Variants in CDON observed in about 807,000 individuals in gnomAD.
The protein encoded by CDON is cell adhesion associated, oncogene regulated.
CDON carries 73 observed loss-of-function variants against 120.9 expected under a neutral mutation model. The ratio of observed to expected loss-of-function variants is 0.60; its 90% confidence interval spans 0.50 to 0.73. The LOEUF (loss-of-function observed/expected upper bound fraction) is 0.73. Among genes scored for constraint, CDON ranks in the 30% least tolerant of loss-of-function variants. The probability of loss-of-function intolerance (pLI) is 0.00; values close to 1 mark genes in which losing one functional copy is unlikely to be tolerated. For synonymous variants in CDON, 566 were observed against 573.5 expected (o/e 0.99, Z 0.19); for missense variants, 1,470 against 1,587.3 (o/e 0.93, Z 1.26).
chr11:126,012,322 G>T (rs1251804865), intron 7 of CDON, among the ~76,000 whole-genome samples: 1 of 152,110 alleles, frequency 6.6e-6, no homozygotes, highest in East Asian at 1.9e-4. Flanking sequence ...TATATAACTG[G>T]CTGTGCTTTA....
At chr11:126,045,370 T>A (rs1948379984) in intron 1 of CDON, among the ~76,000 whole-genome samples, 2 of 152,004 alleles carry the variant, frequency 1.3e-5, no homozygotes, top group Non-Finnish European at 2.9e-5. Context: ...GGGAAAATTG[T>A]TAAAAAGAAA....
At chr11:125,981,651 C>T (rs552390791) in intron 16 of CDON, among the ~76,000 whole-genome samples, 32 of 151,936 alleles carry the variant, frequency 2.1e-4, no homozygotes, top group African/African-American at 6.8e-4. Flanking sequence ...ATTCTGTTAA[C>T]GGGAAGAAAA....
chr11:126,031,968 C>T (rs1947956439), intron 1 of CDON, among the ~76,000 whole-genome samples: 2 of 152,272 alleles, frequency 1.3e-5, no homozygotes, highest in South Asian at 4.1e-4. Context: ...CTTTTACCAT[C>T]TCTACAAATG....
chr11:126,054,176 T>C (rs939919560), intron 1 of CDON, among the ~76,000 whole-genome samples: 3 of 152,214 alleles, frequency 2.0e-5, no homozygotes, highest in Non-Finnish European at 4.4e-5. Flanking sequence ...ATTACTTTTA[T>C]TCTGATACTG....
chr11:126,053,844 C>T (rs370117564), intron 1 of CDON, among the ~76,000 whole-genome samples: 8 of 151,918 alleles, frequency 5.3e-5, no homozygotes, highest in South Asian at 4.1e-4. Flanking sequence ...GCTGAAACCA[C>T]GCTCACTCCC....
intron 1 of CDON, among the ~76,000 whole-genome samples, chr11:126,041,824 C>T (rs950281201): frequency 1.3e-5 from 2 of 152,216 alleles, no homozygotes; most frequent in Non-Finnish European, 2.9e-5. Context: ...TACACATACA[C>T]GTGAGGTTAA....
Position 125,962,136 on chromosome 11 carries a change from A to T in CDON, c.3357-138T>A, listed in dbSNP as rs944140666. 73 of 721,394 alleles carry T rather than the reference A, an allele frequency of 1.0e-4. 1 individual carries two copies. Among genetic ancestry groups the T allele is most frequent in the Middle Eastern group, 3.8e-4 (1 of 2,642 alleles). 44.7% of individuals were successfully genotyped at this position (721,394 alleles called of 1,614,324 possible). ...AGTGATGCTTAAAAACAACTAAATG[A>T]TTCACTATGATTTGAAATACTGAGA... On this transcript the variant is annotated intron_variant, in intron 18 of 19. Coordinates refer to ENST00000531738, the MANE Select transcript of CDON (RefSeq NM_001378964.1).
At chr11:126,002,733 C>T (rs1946985546) in intron 10 of CDON, among the ~76,000 whole-genome samples, 1 of 152,166 alleles carries the variant, frequency 6.6e-6, no homozygotes, top group Non-Finnish European at 1.5e-5. Flanking sequence ...TATCCAGACT[C>T]CAGCCAGCTC....
Position 125,994,850 on chromosome 11 carries a change from T to C in CDON, c.2544+21A>G, listed in dbSNP as rs377055931. On this transcript the variant is annotated intron_variant, in intron 13 of 19. Coordinates refer to ENST00000531738, the MANE Select transcript of CDON (RefSeq NM_001378964.1). ...AACATGACCAAACCACAAAATCTCATTCCAGAAGATGTGTACTGACCGTCC... is the reference window on the plus strand; with the variant it reads ...AACATGACCAAACCACAAAATCTCACTCCAGAAGATGTGTACTGACCGTCC... 6 of 1,603,506 alleles carry C rather than the reference T, an allele frequency of 3.7e-6. No individual in the cohort carries two copies. In the African/African-American group the frequency reaches 8.0e-5, roughly 21 times the overall value.
rs1322954196 is a variant in CDON at position 125,959,276 on chromosome 11, T to G, written c.*1666A>C. On this transcript the variant is annotated 3_prime_UTR_variant, in exon 20 of 20. Coordinates refer to ENST00000531738, the MANE Select transcript of CDON (RefSeq NM_001378964.1). Reference sequence around the variant, plus strand: ...TATTGTATTCTATTCCACTGCGATTTCTGGGAAACTAACATTTCTTCACTT... The same window carrying G: ...TATTGTATTCTATTCCACTGCGATTGCTGGGAAACTAACATTTCTTCACTT... 6.6e-6 allele frequency: 1 copy of G among 152,250 alleles called. No homozygotes were observed. Among genetic ancestry groups the G allele is most frequent in the African/African-American group, 2.4e-5 (1 of 41,468 alleles). 9.4% of individuals were successfully genotyped at this position (152,250 alleles called of 1,614,324 possible). A position where few individuals can be genotyped will look rare whatever the true frequency, so the allele number is the denominator to read the frequency against.
At chr11:126,007,048 T>C (rs1416292193) in intron 8 of CDON, among the ~76,000 whole-genome samples, 1 of 152,210 alleles carries the variant, frequency 6.6e-6, no homozygotes, top group East Asian at 1.9e-4. Flanking sequence ...ACAAATATAC[T>C]GCCAGCACAA....
chr11:126,028,337 T>G (rs1947851075), intron 1 of CDON, among the ~76,000 whole-genome samples: 1 of 152,092 alleles, frequency 6.6e-6, no homozygotes, highest in Admixed American at 6.6e-5. Context: ...AATGCTTTAA[T>G]TTATTATTTA....
rs1460890454 is a variant in CDON, at chr11:126,030,896, C to T, written c.-61-7359G>A. Among the ~76,000 whole-genome samples the T allele has an allele frequency of 2.6e-5, 4 of 152,268 alleles. No homozygotes were observed. The East Asian group carries it at 5.8e-4, about 22-fold the overall frequency. On this transcript the variant is annotated intron_variant, in intron 1 of 19. Transcript: ENST00000531738. The stretch of plus-strand genomic sequence containing the variant: ...TAAGAAGTTAACATCATTTCCTACA[C>T]AAACTTCTCAAATAACTCTGCTTTT...
Position 125,960,589 on chromosome 11 carries a change from C to T in CDON, c.*353G>A. ...AACCTTCAACGGGCCCCTGCATTCC[C>T]TCCTAGCCGAAGCAGCCAAGAGATG... On this transcript the variant is annotated 3_prime_UTR_variant, in exon 20 of 20. Coordinates refer to ENST00000531738, the MANE Select transcript of CDON (RefSeq NM_001378964.1). The T allele has an allele frequency of 3.4e-6, 1 of 290,806 alleles. No individual in the cohort carries two copies. The highest frequency in any genetic ancestry group is 6.5e-6 in the Non-Finnish European group (1 of 153,216). The allele number at this position is 290,806 out of a possible 1,614,324, so 18.0% of individuals were successfully genotyped here. A position where few individuals can be genotyped will look rare whatever the true frequency, so the allele number is the denominator to read the frequency against.
In CDON at chr11:126,033,044, AAAG is replaced by A. The variant is rs1947988308; in HGVS notation, c.-61-9510_-61-9508del. 2.6e-5 allele frequency among the ~76,000 whole-genome samples: 4 copies of A among 152,156 alleles called. No individual in the cohort carries two copies. In the South Asian group the frequency reaches 8.3e-4, roughly 32 times the overall value. On this transcript the variant is annotated intron_variant, in intron 1 of 19. Coordinates refer to ENST00000531738, the MANE Select transcript of CDON (RefSeq NM_001378964.1). ...TTGATAATGAATGAGTTGGACTGGA[AAAG>A]AATAGACCACTAGGACCTAGGACAT...
chr11:126,041,196 A>C (rs1948254153), intron 1 of CDON, among the ~76,000 whole-genome samples: 1 of 151,944 alleles, frequency 6.6e-6, no homozygotes, highest in African/African-American at 2.4e-5. Context: ...TCTAAAAAAA[A>C]AAAAAAAAAA....
chr11:125,996,888 C>T (rs1431351018), intron 12 of CDON, among the ~76,000 whole-genome samples: 1 of 151,260 alleles, frequency 6.6e-6, no homozygotes, highest in Non-Finnish European at 1.5e-5. Flanking sequence ...TAAAAATATG[C>T]ATCTGCCAGG....
chr11:125,984,079 C>T lies in CDON; in HGVS notation c.2788G>A (p.Gly930Arg). 2.5e-6 allele frequency: 4 copies of T among 1,611,020 alleles called. No homozygotes were observed. The highest frequency in any genetic ancestry group is 3.4e-6 in the Non-Finnish European group (4 of 1,177,228). ...ICETKVKRVP[G>R]ASEYPVKDLS... ...TCTTTGACAGGATATTCAGAAGCTC[C>T]AGGAACACGTTTCACTAGTTGAAAT... The change falls in exon 16 of 20, where the codon GGA becomes AGA. Residue 930 changes from glycine to arginine, a missense_variant. Transcript: ENST00000531738.
chr11:126,009,474 C>T (rs1379050481), intron 8 of CDON, among the ~76,000 whole-genome samples: 1 of 152,148 alleles, frequency 6.6e-6, no homozygotes, highest in Admixed American at 6.5e-5. Context: ...AGCCCCAGAC[C>T]TGTCTAGAAG....
Sources: allele counts gnomAD v4.1 joint callset (sites outside exome capture counted in the v4.1 genomes callset), GRCh38; gene constraint gnomAD v4.1.1; transcripts MANE v1.5; gene names NCBI Gene and HGNC (gene_info 2026-07-23, HGNC 2026-07-21).